CHD2: variants seen among roughly 807,000 people sequenced by gnomAD.
CHD2 encodes chromodomain helicase DNA binding protein 2.
CHD2 carries 28 observed loss-of-function variants against 243.9 expected under a neutral mutation model. The ratio of observed to expected loss-of-function variants is 0.11; its 90% CI spans 0.09 to 0.16. CHD2 has a LOEUF of 0.16. CHD2 is among the 10% of genes least tolerant of loss of function. The probability of loss-of-function intolerance (pLI) is 1.00; values close to 1 mark genes in which losing one functional copy is unlikely to be tolerated. For missense variants in CHD2, 1,386 were observed against 2,209.8 expected (o/e 0.63, Z 7.47); for synonymous variants, 775 against 779.0 (o/e 0.99, Z 0.09).
At position 93,020,144 on chromosome 15, in the gene CHD2, A is replaced by G. The variant is rs2141895288; in HGVS notation, c.5039A>G (p.His1680Arg). The part of the protein sequence containing the change: ...YKDHHYGDRR[H>R]MDAHRSGSYR... ...GACCACCATTATGGGGACCGGCGAC[A>G]TATGGATGCCCACCGTTCCGGAAGC... Residue 1680 changes from histidine (H) to arginine (R), a missense_variant, in exon 38 of 39, where the codon CAT becomes CGT. Around this residue, in one of 19 missense-constraint regions of CHD2, gnomAD observed 347 missense variants for 341.6 expected, o/e 1.02. Coordinates refer to ENST00000394196, the MANE Select transcript of CHD2 (RefSeq NM_001271.4). The G allele has an allele frequency of 1.2e-6, 2 of 1,614,124 alleles. No individual in the cohort carries two copies. The highest frequency in any genetic ancestry group is 1.7e-6 in the Non-Finnish European group (2 of 1,180,012).
At chr15:92,967,174 A>G (rs1326778872) in intron 16 of CHD2, 151 bp from the exon 17 acceptor site, 1 of 578,982 alleles carries the variant, frequency 1.7e-6, no homozygotes, top group Admixed American at 3.3e-5. Context: ...ATTTCATTTT[A>G]CTTTTCCCCT....
At chr15:92,902,445 C>T (rs1335838807) in intron 2 of CHD2, 2 of 339,244 alleles carry the variant, frequency 5.9e-6, no homozygotes, top group East Asian at 4.4e-5. Flanking sequence ...CCAATTTTTA[C>T]TTTTCTAATT....
chr15:92,906,028 C>T (rs544682895), intron 2 of CHD2, among the ~76,000 whole-genome samples: 20 of 152,274 alleles, frequency 1.3e-4, no homozygotes, highest in South Asian at 8.3e-4. Flanking sequence ...AGGATATGAA[C>T]TATTCTGTTA....
In CHD2 at chr15:93,025,219, A is replaced by T. The variant is rs531871085; in HGVS notation, c.*514A>T. 7.3e-6 allele frequency: 1 copy of T among 137,534 alleles called. No homozygotes were observed. Among genetic ancestry groups the T allele is most frequent in the Non-Finnish European group, 1.6e-5 (1 of 64,122 alleles). The allele number at this position is 137,534 out of a possible 1,614,324, so 8.5% of individuals were successfully genotyped here. ...GGCGAGTTGGGGCAAGCGGGTGGGGACAAGCATAGGACTTGAAGGGGAGCA... is the reference window on the plus strand; with the variant it reads ...GGCGAGTTGGGGCAAGCGGGTGGGGTCAAGCATAGGACTTGAAGGGGAGCA... On this transcript the variant is annotated 3_prime_UTR_variant, in exon 39 of 39. Transcript: ENST00000394196.
intron 4 of CHD2, among the ~76,000 whole-genome samples, 159 bp downstream of exon 4, chr15:92,927,489 A>G (rs1279930766): frequency 6.6e-6 from 1 of 152,238 alleles, no homozygotes; most frequent in African/African-American, 2.4e-5. Flanking sequence ...GTAAGGCAAG[A>G]AGTTAATAAT....
At position 92,978,170 on chromosome 15, in the gene CHD2, A is replaced by G. The variant is rs750635461; in HGVS notation, c.2578-64A>G. The G allele has an allele frequency of 1.9e-6, 3 of 1,598,466 alleles. No individual in the cohort carries two copies. In the Admixed American group the frequency reaches 5.0e-5, roughly 27 times the overall value. ...CAGGGGTTTCCAGGTGTAAGGGCTT[A>G]TTGGACTGTGAAACTGTTTCTGAGA... On this transcript the variant is annotated intron_variant, in intron 20 of 38. Transcript: ENST00000394196.
At chr15:92,963,917 T>C (rs2053721813) in intron 16 of CHD2, among the ~76,000 whole-genome samples, 1 of 152,240 alleles carries the variant, frequency 6.6e-6, no homozygotes, top group Non-Finnish European at 1.5e-5. Context: ...AGAATTGTGG[T>C]ATGTAGTTTC....
In CHD2 at chr15:93,020,269, G is replaced by C; in HGVS notation, c.5153+11G>C. 6.2e-7 allele frequency: 1 copy of C among 1,614,066 alleles called. No homozygotes were observed. The highest frequency in any genetic ancestry group is 1.7e-5 in the Admixed American group (1 of 60,030). ...AGATTATTATGACAGGTATGCAAAA[G>C]GCTGTGAGACACCAGGTGCCAACCT... is the stretch of plus-strand genomic sequence containing the variant. On this transcript the variant is annotated intron_variant, in intron 38 of 38. Coordinates refer to ENST00000394196, the MANE Select transcript of CHD2 (RefSeq NM_001271.4).
In CHD2 at chr15:93,017,057, G is replaced by A. The variant is rs1285939154; in HGVS notation, c.4906+2148G>A. Reference sequence around the variant, plus strand: ...TTCAGATCATCAAAAATTAAAAAGGGAAATACACACCGATTGCTAAGAGTG... The same window carrying A: ...TTCAGATCATCAAAAATTAAAAAGGAAAATACACACCGATTGCTAAGAGTG... On this transcript the variant is annotated intron_variant, in intron 37 of 38. Transcript: ENST00000394196. 3.3e-5 allele frequency among the ~76,000 whole-genome samples: 5 copies of A among 152,190 alleles called. No homozygotes were observed. The East Asian group carries it at 9.6e-4, about 29-fold the overall frequency.
chr15:92,938,471 C>G (rs913240740), intron 6 of CHD2, among the ~76,000 whole-genome samples: 65 of 152,280 alleles, frequency 4.3e-4, no homozygotes, highest in African/African-American at 1.5e-3. Flanking sequence ...AAAATATTTA[C>G]TCTCTGGCCA....
At chr15:92,927,822 GAT>G (rs2053091291) in intron 4 of CHD2, among the ~76,000 whole-genome samples, 1 of 152,134 alleles carries the variant, frequency 6.6e-6, no homozygotes, top group Non-Finnish European at 1.5e-5. Flanking sequence ...TTTAGTGTGA[GAT>G]ATAATAAAAT....
rs79295699 is a variant in CHD2, at chr15:92,956,950, A to G, written c.2000+301A>G. ...TTTCACTGTTGGTATAAGATAATCA[A>G]TATAAGTAAAATGAAATATACAAGG... On this transcript the variant is annotated intron_variant, in intron 16 of 38. Transcript: ENST00000394196. Among the ~76,000 whole-genome samples, 397 of 152,322 alleles carry G rather than the reference A, an allele frequency of 2.6e-3. 4 individuals carry two copies. Among genetic ancestry groups the G allele is most frequent in the African/African-American group, 8.8e-3 (366 of 41,580 alleles).
At chr15:92,962,977 G>A (rs757657694) in intron 16 of CHD2, among the ~76,000 whole-genome samples, 3 of 152,074 alleles carry the variant, frequency 2.0e-5, no homozygotes, top group Non-Finnish European at 4.4e-5. Flanking sequence ...ATTCCTGTTT[G>A]CATGATATAT....
chr15:92,906,662 ATCTTTT>A (rs2052627111), intron 2 of CHD2, among the ~76,000 whole-genome samples: 2 of 103,272 alleles, frequency 1.9e-5, no homozygotes, highest in Non-Finnish European at 3.9e-5. Context: ...GCTATGAGCC[ATCTTTT>A]TTTTTTTTTT....
intron 2 of CHD2, among the ~76,000 whole-genome samples, chr15:92,913,072 G>GTGCT (rs1456348699): frequency 1.3e-5 from 2 of 152,164 alleles, no homozygotes; most frequent in African/African-American, 4.8e-5. Context: ...ATCACCTGGG[G>GTGCT]TGCTTGTTCA....
At chr15:92,915,434 C>T (rs566737863) in intron 2 of CHD2, among the ~76,000 whole-genome samples, 2 of 152,078 alleles carry the variant, frequency 1.3e-5, no homozygotes, top group Non-Finnish European at 2.9e-5. Context: ...GTCACCATGC[C>T]CGGCTAACTT....
At chr15:93,018,527 T>A (rs2141893097) in intron 37 of CHD2, among the ~76,000 whole-genome samples, 1 of 152,360 alleles carries the variant, frequency 6.6e-6, no homozygotes, top group East Asian at 1.9e-4. Context: ...TAGTCCTCTG[T>A]ATTAGTTTCC....
At position 92,910,670 on chromosome 15, in the gene CHD2, A is replaced by C. The variant is rs565273379; in HGVS notation, c.62+9371A>C. Among the ~76,000 whole-genome samples the C allele has an allele frequency of 1.3e-4, 20 of 152,342 alleles. No homozygotes were observed. In the East Asian group the frequency reaches 3.5e-3, roughly 26 times the overall value. ...CTCCGCCTCCCAAAGTGCTGGGATT[A>C]CAGGGGTGAGCCACTGCGCCTGGTC... is the stretch of plus-strand genomic sequence containing the variant. On this transcript the variant is annotated intron_variant, in intron 2 of 38. Coordinates refer to ENST00000394196, the MANE Select transcript of CHD2 (RefSeq NM_001271.4).
intron 16 of CHD2, among the ~76,000 whole-genome samples, chr15:92,962,837 T>G (rs1025484210): frequency 1.3e-5 from 2 of 152,212 alleles, no homozygotes; most frequent in African/African-American, 4.8e-5. Flanking sequence ...CATTCATAAC[T>G]TTTGTATGTT....
Sources: allele counts gnomAD v4.1 joint callset (sites outside exome capture counted in the v4.1 genomes callset), GRCh38; gene constraint gnomAD v4.1.1; regional missense constraint gnomAD v4.1.1; transcripts MANE v1.5; gene names NCBI Gene and HGNC (gene_info 2026-07-23, HGNC 2026-07-21).